FLI1: variants seen among roughly 807,000 people sequenced by gnomAD.
FLI1 encodes the protein Friend leukemia integration 1 transcription factor.
In FLI1, 13 loss-of-function variants were observed where a neutral mutation model predicts 53.1. The observed-to-expected ratio is 0.24, with a 90% CI of 0.16 to 0.39. The LOEUF is 0.39. Ranked by LOEUF, FLI1 falls within the 10% of genes least tolerant of loss-of-function variation. The pLI, the probability that FLI1 is intolerant of heterozygous loss-of-function variation, is 1.00. For synonymous variants in FLI1, 244 were observed against 236.7 expected (o/e 1.03, Z -0.28); for missense variants, 424 against 600.5 (o/e 0.71, Z 3.07).
chr11:128,689,824 G>A (rs981120627), upstream of FLI1, among the ~76,000 whole-genome samples: 1 of 152,198 alleles, frequency 6.6e-6, no homozygotes, highest in Non-Finnish European at 1.5e-5. Context: ...CGTGGTCTGG[G>A]GGCTCGGAGA....
chr11:128,702,188 C>A (rs1247373226), intron 1 of FLI1, among the ~76,000 whole-genome samples: 1 of 152,204 alleles, frequency 6.6e-6, no homozygotes, highest in African/African-American at 2.4e-5. Context: ...TTCATGTATT[C>A]ATTCACCCAA....
At chr11:128,739,642 G>C (rs1318258794) in intron 1 of FLI1, among the ~76,000 whole-genome samples, 4 of 152,084 alleles carry the variant, frequency 2.6e-5, no homozygotes, top group African/African-American at 9.7e-5. Context: ...ATTTTATTAG[G>C]CTGTTGAATT....
chr11:128,720,918 G>A (rs1219791193), intron 1 of FLI1, among the ~76,000 whole-genome samples: 1 of 152,162 alleles, frequency 6.6e-6, no homozygotes, highest in East Asian at 1.9e-4. Context: ...CTCTTTGTCT[G>A]GCGAGCAAGC....
At chr11:128,712,467 G>A (rs1344360903) in intron 1 of FLI1, among the ~76,000 whole-genome samples, 1 of 152,166 alleles carries the variant, frequency 6.6e-6, no homozygotes, top group African/African-American at 2.4e-5. Context: ...CACTGTATTA[G>A]TCTGTTTTCA....
chr11:128,738,467 G>C (rs1433938443), intron 1 of FLI1, among the ~76,000 whole-genome samples: 1 of 152,204 alleles, frequency 6.6e-6, no homozygotes, highest in Non-Finnish European at 1.5e-5. Context: ...GCTTCCAGGT[G>C]GGACACCCAA....
chr11:128,790,069 CGTGTGT>C (rs765614434), intron 5 of FLI1, among the ~76,000 whole-genome samples: 36 of 143,414 alleles, frequency 2.5e-4, no homozygotes, highest in South Asian at 1.1e-3. Context: ...TGCATGCATG[CGTGTGT>C]GTGTGTGTGT....
At chr11:128,710,639 C>T (rs1356412929) in intron 1 of FLI1, among the ~76,000 whole-genome samples, 3 of 152,160 alleles carry the variant, frequency 2.0e-5, no homozygotes, top group Admixed American at 6.5e-5. Flanking sequence ...GAACATCTGA[C>T]ACAATGAAAG....
At chr11:128,774,889 C>T (rs1050377001) in intron 4 of FLI1, among the ~76,000 whole-genome samples, 3 of 151,956 alleles carry the variant, frequency 2.0e-5, no homozygotes, top group Non-Finnish European at 2.9e-5. Flanking sequence ...CACTGGTCGC[C>T]AGTAGAGAGA....
chr11:128,733,068 C>T (rs1187458438), intron 1 of FLI1, among the ~76,000 whole-genome samples: 1 of 152,178 alleles, frequency 6.6e-6, no homozygotes, highest in Non-Finnish European at 1.5e-5. Flanking sequence ...CTCTTTGCAT[C>T]AGGACTTATC....
At chr11:128,709,690 G>T (rs140449532) in intron 1 of FLI1, among the ~76,000 whole-genome samples, 167 of 152,272 alleles carry the variant, frequency 1.1e-3, no homozygotes, top group African/African-American at 3.0e-3. Context: ...AAATTCTCTT[G>T]TCCAACCTAT....
At chr11:128,737,353 G>A (rs984299994) in intron 1 of FLI1, among the ~76,000 whole-genome samples, 9 of 152,198 alleles carry the variant, frequency 5.9e-5, no homozygotes, top group Admixed American at 5.2e-4. Flanking sequence ...AACAAGGCTT[G>A]AATGATAGAC....
At chr11:128,741,592 C>A (rs1940142056) in intron 1 of FLI1, among the ~76,000 whole-genome samples, 2 of 152,204 alleles carry the variant, frequency 1.3e-5, no homozygotes, top group African/African-American at 4.8e-5. Flanking sequence ...GTGCCACAGT[C>A]AAGCCTTTGT....
At chr11:128,708,723 C>T (rs1055861147) in intron 1 of FLI1, among the ~76,000 whole-genome samples, 1 of 152,134 alleles carries the variant, frequency 6.6e-6, no homozygotes, top group Non-Finnish European at 1.5e-5. Flanking sequence ...CTGGGTGGCT[C>T]ATTGGATGGC....
At chr11:128,783,327 C>T (rs1162245958) in intron 5 of FLI1, among the ~76,000 whole-genome samples, 1 of 152,222 alleles carries the variant, frequency 6.6e-6, no homozygotes. Context: ...TCACACAGCA[C>T]TTTGTGTTTC....
intron 2 of FLI1, among the ~76,000 whole-genome samples, chr11:128,765,774 G>A (rs1941317682): frequency 6.6e-6 from 1 of 152,226 alleles, no homozygotes; most frequent in Non-Finnish European, 1.5e-5. Context: ...GCGTGAGTGT[G>A]TGTGTATGCA....
At chr11:128,688,036 C>G (rs1173086817) in intron 1 of FLI1, among the ~76,000 whole-genome samples, 2 of 152,214 alleles carry the variant, frequency 1.3e-5, no homozygotes, top group East Asian at 3.9e-4. Flanking sequence ...AGGAAGAGTA[C>G]TCGGGTACTC....
At chr11:128,764,854 T>C (rs1377513454) in intron 2 of FLI1, 1 of 1,587,502 alleles carries the variant, frequency 6.3e-7, no homozygotes, top group African/African-American at 1.3e-5. Context: ...CCCTGAGCAG[T>C]GGGAGGAGGG....
intron 1 of FLI1, among the ~76,000 whole-genome samples, chr11:128,725,053 G>A (rs144776019): frequency 6.6e-5 from 10 of 152,246 alleles, no homozygotes; most frequent in African/African-American, 2.4e-4. Context: ...GACTCTAGGT[G>A]TTCTCGTAGT....
At chr11:128,693,852 C>T (rs566061928), upstream of FLI1, 4 of 213,754 alleles carry the variant, frequency 1.9e-5, no homozygotes, top group South Asian at 7.5e-4. Flanking sequence ...ATGCGAAAAG[C>T]AGGACCAGCA....
Sources: gnomAD v4.1 joint callset for allele counts (sites outside exome capture counted in the v4.1 genomes callset) on GRCh38, gnomAD v4.1.1 for gene constraint, MANE v1.5 for transcripts, NCBI Gene and HGNC (gene_info 2026-07-23, HGNC 2026-07-21) for gene names.